Variants in RAI1 observed in about 807,000 individuals in gnomAD.
RAI1 encodes retinoic acid-induced protein 1.
In RAI1, 9 loss-of-function variants were observed where a neutral mutation model predicts 123.8. That is an observed-to-expected ratio of 0.07 (90% CI 0.04 to 0.13). The LOEUF (loss-of-function observed/expected upper bound fraction) is 0.13. Among genes scored for constraint, RAI1 ranks in the 10% least tolerant of loss-of-function variants. The probability of loss-of-function intolerance (pLI) is 1.00; values close to 1 mark genes in which losing one functional copy is unlikely to be tolerated. For synonymous variants in RAI1, 1,231 were observed against 1,127.3 expected (o/e 1.09, Z -1.84); for missense variants, 2,256 against 2,545.8 (o/e 0.89, Z 2.45).
At chr17:17,752,809 A>G (rs562378383) in intron 2 of RAI1, among the ~76,000 whole-genome samples, 116 of 152,294 alleles carry the variant, frequency 7.6e-4, no homozygotes, top group South Asian at 5.4e-3. Context: ...CTCTCCACAC[A>G]GACCGTGACC....
chr17:17,804,222 C>T (rs985473599), intron 4 of RAI1: 1 of 336,028 alleles, frequency 3.0e-6, no homozygotes. Context: ...GGAGTTCACT[C>T]AGCAGAGACA....
intron 1 of RAI1, among the ~76,000 whole-genome samples, chr17:17,723,823 G>T (rs1335659042): frequency 6.7e-6 from 1 of 150,220 alleles, no homozygotes; most frequent in African/African-American, 2.4e-5. Flanking sequence ...GCGGCCACGG[G>T]GCCGTCTCTA....
chr17:17,738,896 A>G (rs539951618), intron 2 of RAI1, among the ~76,000 whole-genome samples: 1 of 152,248 alleles, frequency 6.6e-6, no homozygotes, highest in Admixed American at 6.5e-5. Context: ...TGTTTTTATA[A>G]GTACACGGGC....
intron 1 of RAI1, among the ~76,000 whole-genome samples, chr17:17,711,268 C>T (rs916726521): frequency 4.6e-5 from 7 of 152,162 alleles, no homozygotes; most frequent in Non-Finnish European, 8.8e-5. Context: ...CCCTGGCTGC[C>T]GCAGCACCCC....
rs546077165 is a variant in RAI1 at position 17,798,943 on chromosome 17, C to T, written c.5565+430C>T. Among the ~76,000 whole-genome samples the T allele has an allele frequency of 3.9e-5, 6 of 152,302 alleles. No homozygotes were observed. In the East Asian group the frequency reaches 1.2e-3, roughly 29 times the overall value. On this transcript the variant is annotated intron_variant, in intron 3 of 5. Transcript: ENST00000353383. ...AGTTGCCCACCCTCTGTTCCTGTCT[C>T]CATTGCCTCTGGGATGAAGCTAAGG...
At chr17:17,747,572 C>T (rs180944637) in intron 2 of RAI1, among the ~76,000 whole-genome samples, 53 of 152,190 alleles carry the variant, frequency 3.5e-4, no homozygotes, top group African/African-American at 4.6e-4. Context: ...GACACGAGGC[C>T]GGCCACACTC....
intron 1 of RAI1, among the ~76,000 whole-genome samples, chr17:17,697,440 T>C (rs1420340346): frequency 6.6e-6 from 1 of 152,224 alleles, no homozygotes; most frequent in Non-Finnish European, 1.5e-5. Flanking sequence ...GGGAGGGACA[T>C]TGTCAGCCTG....
In RAI1 at chr17:17,810,070, C is replaced by G. The variant is rs1183994844; in HGVS notation, c.*89C>G. ...GGAGCCGCCTGCGCAGCCCCCGGGC[C>G]TTTGAGCTGCTCCCAGCGCTGGTCC... is the stretch of plus-strand genomic sequence containing the variant. On this transcript the variant is annotated 3_prime_UTR_variant, in exon 6 of 6. Coordinates refer to ENST00000353383, the MANE Select transcript of RAI1 (RefSeq NM_030665.4). This position sits in a 1 kb window ranked among gnomAD's most constrained non-coding sequence, Gnocchi z 4.6. 4 of 1,501,332 alleles carry G rather than the reference C, an allele frequency of 2.7e-6. No homozygotes were observed. The African/African-American group carries it at 5.6e-5, about 21-fold the overall frequency. 93.0% of individuals were successfully genotyped at this position (1,501,332 alleles called of 1,614,324 possible).
chr17:17,715,362 G>A (rs1915677674), intron 1 of RAI1, among the ~76,000 whole-genome samples: 1 of 152,208 alleles, frequency 6.6e-6, no homozygotes, highest in South Asian at 2.1e-4. Flanking sequence ...TCTCTCTTCT[G>A]CTTGCAGAGC....
intron 2 of RAI1, among the ~76,000 whole-genome samples, chr17:17,759,806 G>A (rs904557487): frequency 6.6e-6 from 1 of 152,232 alleles, no homozygotes; most frequent in Non-Finnish European, 1.5e-5. Context: ...TGAATGCAGA[G>A]CTGTGAAAAG....
chr17:17,750,689 C>CAAAAAAAAAA (rs57637022), intron 2 of RAI1, among the ~76,000 whole-genome samples: 1 of 79,774 alleles, frequency 1.3e-5, no homozygotes. Flanking sequence ...TACTCCGTCT[C>CAAAAAAAAAA]AAAAAAAAAA....
intron 2 of RAI1, among the ~76,000 whole-genome samples, chr17:17,784,960 T>C (rs1237912211): frequency 2.0e-5 from 3 of 152,042 alleles, no homozygotes; most frequent in African/African-American, 7.3e-5. Context: ...CTTCCCCACA[T>C]AGTTAAGCCC....
rs11868336 is a variant in RAI1, at chr17:17,800,190, C to G, written c.5565+1677C>G. ...TTTCTGTCTCTCTCTGTCTCTCTCT[C>G]TCTCTCTCTCTCTCTCTCTCTCTCT... is the stretch of plus-strand genomic sequence containing the variant. On this transcript the variant is annotated intron_variant, in intron 3 of 5. Transcript: ENST00000353383. This position sits in a 1 kb window ranked among gnomAD's most constrained non-coding sequence, Gnocchi z 4.7. Among the ~76,000 whole-genome samples, 4,312 of 13,624 alleles carry G rather than the reference C, an allele frequency of 0.32. 281 individuals are homozygous for G. Among genetic ancestry groups the G allele is most frequent in the East Asian group, 0.46 (117 of 256 alleles). 8.9% of individuals were successfully genotyped at this position (13,624 alleles called of 152,430 possible). A position where few individuals can be genotyped will look rare whatever the true frequency, so the allele number is the denominator to read the frequency against.
At chr17:17,753,167 C>T (rs1482181012) in intron 2 of RAI1, among the ~76,000 whole-genome samples, 1 of 152,212 alleles carries the variant, frequency 6.6e-6, no homozygotes, top group Admixed American at 6.5e-5. Flanking sequence ...GCCTACTGTG[C>T]TGGCCAGACA....
rs138376730 is a variant in RAI1 at position 17,801,442 on chromosome 17, G to A, written c.5566-2314G>A. ...AAATGCTATTCATATGCCTGCCTGA[G>A]GGTGGTTGGGGCCTCCGTGCAGTAA... On this transcript the variant is annotated intron_variant, in intron 3 of 5. Coordinates refer to ENST00000353383, the MANE Select transcript of RAI1 (RefSeq NM_030665.4). The surrounding 1 kb of genome is among the most constrained non-coding windows in gnomAD (Gnocchi z 4.1). Among the ~76,000 whole-genome samples, 2 of 152,322 alleles carry A rather than the reference G, an allele frequency of 1.3e-5. No individual in the cohort carries two copies. Among genetic ancestry groups the A allele is most frequent in the Non-Finnish European group, 2.9e-5 (2 of 68,028 alleles).
Position 17,793,178 on chromosome 17 carries a change from A to C in RAI1, c.230A>C (p.Lys77Thr). The change falls in exon 3 of 6, where the codon AAG becomes ACG. Residue 77 changes from lysine (K) to threonine (T), a missense_variant. Around this residue, in one of 7 missense-constraint regions of RAI1, gnomAD observed 336 missense variants for 349.8 expected, o/e 0.96. Coordinates refer to ENST00000353383, the MANE Select transcript of RAI1 (RefSeq NM_030665.4). ...ACTGCAGCCGCGGTGGCCGCCGACA[A>C]GTACCACCGAGGCAGCAAGGCCCTG... ...SGTAAAVAADKYHRGSKALPT... is the reference protein window; with the variant it reads ...SGTAAAVAADTYHRGSKALPT... The C allele has an allele frequency of 6.2e-7, 1 of 1,613,094 alleles. No homozygotes were observed. The highest frequency in any genetic ancestry group is 8.5e-7 in the Non-Finnish European group (1 of 1,179,834).
Position 17,794,116 on chromosome 17 carries a change from A to G in RAI1, c.1168A>G (p.Ser390Gly), listed in dbSNP as rs1320503145. The G allele has an allele frequency of 6.2e-7, 1 of 1,613,950 alleles. No homozygotes were observed. The highest frequency in any genetic ancestry group is 8.5e-7 in the Non-Finnish European group (1 of 1,180,038). ...GAFPAGITDH[S>G]HFMPLLNPSP... is the part of the protein sequence containing the mutation. ...CTTCCCCGCAGGGATCACTGACCAC[A>G]GCCACTTCATGCCCCTGCTCAATCC... The change falls in exon 3 of 6, where the codon AGC (serine) becomes GGC (glycine). Residue 390 changes from serine (S) to glycine (G), a missense_variant. Physicochemically the swap from Ser to Gly is moderately conservative, Grantham distance 56. This residue lies in a region of RAI1 where 357 missense variants were observed against 480.2 expected (regional missense o/e 0.74). Transcript: ENST00000353383.
In RAI1 at chr17:17,785,433, GGTCAAACAGAGGAA is replaced by G. The variant is rs544918414; in HGVS notation, c.-16-7496_-16-7483del. ...GCCAGTTTCTGGGTTTGGAGCTTAG[GGTCAAACAGAGGAA>G]GTCTCTGCCCTCCTCAGGCTACGTT... is the stretch of plus-strand genomic sequence containing the variant. On this transcript the variant is annotated intron_variant, in intron 2 of 5. Coordinates refer to ENST00000353383, the MANE Select transcript of RAI1 (RefSeq NM_030665.4). 6.1e-4 allele frequency among the ~76,000 whole-genome samples: 93 copies of G among 152,310 alleles called. 5 individuals are homozygous for G. In the South Asian group the frequency reaches 0.019, roughly 31 times the overall value.
chr17:17,781,835 T>C (rs1161758950), intron 2 of RAI1, among the ~76,000 whole-genome samples: 1 of 151,638 alleles, frequency 6.6e-6, no homozygotes, highest in Non-Finnish European at 1.5e-5. Flanking sequence ...AGCGCCCCAC[T>C]TGGCGCCACC....
Sources: gnomAD v4.1 joint callset for allele counts (sites outside exome capture counted in the v4.1 genomes callset) on GRCh38, gnomAD v4.1.1 for gene constraint, gnomAD v4.1.1 regional missense constraint, Gnocchi (gnomAD v3.1) non-coding constraint, MANE v1.5 for transcripts, NCBI Gene and HGNC (gene_info 2026-07-23, HGNC 2026-07-21) for gene names.